Variants in ATP10B observed in about 807,000 individuals in gnomAD.
The protein encoded by ATP10B is ATPase phospholipid transporting 10B (putative).
A neutral mutation model predicts 141.2 loss-of-function variants in ATP10B; 122 were observed. The ratio of observed to expected loss-of-function variants is 0.86; its 90% CI spans 0.75 to 1.00. The LOEUF is 1.00. Ranked by LOEUF, ATP10B falls within the 50% of genes least tolerant of loss-of-function variation. The pLI, the probability that ATP10B is intolerant of heterozygous loss-of-function variation, is 0.00. For missense variants in ATP10B, 1,876 were observed against 1,825.3 expected, an observed-to-expected ratio of 1.03 and a Z score of -0.51; for synonymous variants, 685 against 692.0, an observed-to-expected ratio of 0.99 and a Z score of 0.16.
At chr5:160,818,170 G>C (rs1196203874) in intron 1 of ATP10B, among the ~76,000 whole-genome samples, 2 of 152,132 alleles carry the variant, frequency 1.3e-5, no homozygotes, top group Non-Finnish European at 2.9e-5. Context: ...AAACTAAAGA[G>C]CTTCTGCACA....
chr5:160,889,041 C>G, the ATP10B span, among the ~76,000 whole-genome samples: 6 of 152,094 alleles, frequency 3.9e-5, no homozygotes, highest in African/African-American at 1.2e-4. Flanking sequence ...GATAAGCCAC[C>G]TAAACCAAGC....
chr5:160,772,048 A>G (rs1490046858), intron 2 of ATP10B, among the ~76,000 whole-genome samples: 2 of 152,268 alleles, frequency 1.3e-5, no homozygotes, highest in Non-Finnish European at 2.9e-5. Context: ...AGTTGCTTCC[A>G]TAACTTGGCT....
intron 3 of ATP10B, among the ~76,000 whole-genome samples, chr5:160,695,814 A>G (rs1053202068): frequency 6.6e-6 from 1 of 152,204 alleles, no homozygotes; most frequent in Non-Finnish European, 1.5e-5. Context: ...TAGAATTTTA[A>G]AAAGTTTGGC....
At chr5:160,618,021 G>T in intron 15 of ATP10B, 48 bp from the exon 16 acceptor site, 1 of 1,438,998 alleles carries the variant, frequency 6.9e-7, no homozygotes, top group South Asian at 1.1e-5. Flanking sequence ...AAATGCTCAG[G>T]GATCCCCATC....
chr5:160,889,894 C>G, the ATP10B span, among the ~76,000 whole-genome samples: 3 of 152,284 alleles, frequency 2.0e-5, no homozygotes, highest in African/African-American at 7.2e-5. Flanking sequence ...AACCTGACAT[C>G]TCCTGTCACA....
chr5:160,636,042 C>A, intron 11 of ATP10B, 140 bp downstream of exon 11: 1 of 1,022,748 alleles, frequency 9.8e-7, no homozygotes, highest in Non-Finnish European at 1.3e-6. Flanking sequence ...CAAAGACGCA[C>A]AAGAAAGCGA....
rs375740372 is a variant in ATP10B at position 160,668,046 on chromosome 5, A to G, written c.675+2417T>C. Among the ~76,000 whole-genome samples, 4 of 152,092 alleles carry G rather than the reference A, an allele frequency of 2.6e-5. No homozygotes were observed. The East Asian group carries it at 5.8e-4, about 22-fold the overall frequency. Reference sequence around the variant, plus strand: ...GGAGTTCGAGACCAGCCTGGCCAACATGGCAAAAACCCTGTCTCTACTAAA... The same window carrying G: ...GGAGTTCGAGACCAGCCTGGCCAACGTGGCAAAAACCCTGTCTCTACTAAA... On this transcript the variant is annotated intron_variant, in intron 7 of 25. Coordinates refer to ENST00000327245, the MANE Select transcript of ATP10B (RefSeq NM_025153.3).
chr5:160,622,598 G>A lies in ATP10B; in HGVS notation c.1621-13C>T, dbSNP rs767527049. On this transcript the variant is annotated splice_polypyrimidine_tract_variant and intron_variant, in intron 13 of 25. Coordinates refer to ENST00000327245, the MANE Select transcript of ATP10B (RefSeq NM_025153.3). ...TTACATCTTTTTCCTGGAAGAGAAA[G>A]GCCAGAATGAGAGTCTTTTCTGGGA... The A allele has an allele frequency of 6.2e-7, 1 of 1,604,416 alleles. No individual in the cohort carries two copies. Among genetic ancestry groups the A allele is most frequent in the East Asian group, 2.2e-5 (1 of 44,722 alleles).
intron 7 of ATP10B, among the ~76,000 whole-genome samples, chr5:160,652,652 A>G (rs1481709277): frequency 2.2e-5 from 3 of 135,240 alleles, no homozygotes; most frequent in Admixed American, 1.7e-4. Context: ...ATAAAATTAT[A>G]TATGTATATA....
At chr5:160,758,045 T>C (rs1449534275) in intron 2 of ATP10B, among the ~76,000 whole-genome samples, 1 of 152,192 alleles carries the variant, frequency 6.6e-6, no homozygotes, top group African/African-American at 2.4e-5. Context: ...GTCAGTGTAA[T>C]AGGCTATAGG....
chr5:160,909,469 G>A, the ATP10B span, among the ~76,000 whole-genome samples: 1 of 152,142 alleles, frequency 6.6e-6, no homozygotes. Context: ...ATGAGCAGAG[G>A]AACACTTTGG....
chr5:160,756,972 T>C (rs1488940901), intron 2 of ATP10B, among the ~76,000 whole-genome samples: 2 of 152,160 alleles, frequency 1.3e-5, no homozygotes, highest in Non-Finnish European at 2.9e-5. Flanking sequence ...AATTATTGAT[T>C]TTTTTAAACA....
At chr5:160,853,648 G>C (rs1287561439), upstream of ATP10B, among the ~76,000 whole-genome samples, 2 of 152,136 alleles carry the variant, frequency 1.3e-5, no homozygotes, top group African/African-American at 4.8e-5. Context: ...CCAATGAATA[G>C]AGAGTCCTCA....
rs150805619 is a variant in ATP10B, at chr5:160,767,151, T to C, written c.-331+18408A>G. ...AAGTAAAAAAAATCCCATAGTGTTTTAAGAAAGTTAATACATTTGTGTTGG... is the reference window on the plus strand; with the variant it reads ...AAGTAAAAAAAATCCCATAGTGTTTCAAGAAAGTTAATACATTTGTGTTGG... On this transcript the variant is annotated intron_variant, in intron 2 of 25. Transcript: ENST00000327245. Among the ~76,000 whole-genome samples the C allele has an allele frequency of 7.6e-4, 116 of 152,338 alleles. 1 individual carries two copies. In the East Asian group the frequency reaches 0.019, roughly 25 times the overall value.
the ATP10B span, among the ~76,000 whole-genome samples, chr5:160,857,875 CAATTTT>C: frequency 6.6e-6 from 1 of 151,780 alleles, no homozygotes; most frequent in African/African-American, 2.4e-5. Flanking sequence ...GCACTCTGTA[CAATTTT>C]AATTATTTTA....
At chr5:160,838,177 G>T (rs1265720446) in intron 1 of ATP10B, among the ~76,000 whole-genome samples, 2 of 152,164 alleles carry the variant, frequency 1.3e-5, no homozygotes, top group African/African-American at 4.8e-5. Flanking sequence ...ACATGGGACA[G>T]CTGGTGCTAG....
chr5:160,910,765 A>G, the ATP10B span, among the ~76,000 whole-genome samples: 13 of 152,338 alleles, frequency 8.5e-5, no homozygotes, highest in East Asian at 2.5e-3. Context: ...AATGATTAAA[A>G]AAGTACATAC....
intron 17 of ATP10B, 108 bp downstream of exon 17, chr5:160,615,730 A>G (rs1581204715): frequency 2.1e-6 from 3 of 1,398,226 alleles, no homozygotes; most frequent in Non-Finnish European, 2.9e-6. Context: ...AACCCCAGGG[A>G]AGGCTGCTAA....
chr5:160,589,200 C>A (rs562575252), intron 24 of ATP10B, among the ~76,000 whole-genome samples: 1 of 152,008 alleles, frequency 6.6e-6, no homozygotes, highest in Non-Finnish European at 1.5e-5. Flanking sequence ...TTAGTAGAGA[C>A]GGGATTTCAC....
Sources: allele counts gnomAD v4.1 joint callset (sites outside exome capture counted in the v4.1 genomes callset), GRCh38; gene constraint gnomAD v4.1.1; transcripts MANE v1.5; gene names NCBI Gene and HGNC (gene_info 2026-07-23, HGNC 2026-07-21).